Variants in HDHD2 observed in about 807,000 individuals in gnomAD.
HDHD2 encodes the protein haloacid dehalogenase-like hydrolase domain-containing protein 2.
A neutral mutation model predicts 24.8 loss-of-function variants in HDHD2; 26 were observed. The ratio of observed to expected loss-of-function variants is 1.05; its 90% confidence interval spans 0.77 to 1.45. The LOEUF is 1.45. Ranked by LOEUF, HDHD2 falls within the 40% of genes most tolerant of loss-of-function variation. The pLI is 0.00. For synonymous variants in HDHD2, 128 were observed against 114.9 expected (o/e 1.11, Z -0.73); for missense variants, 299 against 313.4 (o/e 0.95, Z 0.35).
Position 47,111,231 on chromosome 18 carries a change from G to T in HDHD2, c.676+1746C>A, listed in dbSNP as rs1363942561. 4.1e-6 allele frequency: 4 copies of T among 985,166 alleles called. No homozygotes were observed. The African/African-American group carries it at 7.0e-5, about 17-fold the overall frequency. The allele number at this position is 985,166 out of a possible 1,614,324, so 61.0% of individuals were successfully genotyped here. ...TCTCAGAGACTAAACTGATGCCTGT[G>T]AAAGGCTGGTCACAATAAAATGCCA... On this transcript the variant is annotated intron_variant, in intron 6 of 6. Coordinates refer to ENST00000300605, the MANE Select transcript of HDHD2 (RefSeq NM_032124.5).
intron 4 of HDHD2, 112 bp downstream of exon 4, chr18:47,130,132 T>G (rs2063698831): frequency 3.2e-6 from 2 of 620,530 alleles, no homozygotes; most frequent in South Asian, 4.7e-5. Context: ...TATCCTAATG[T>G]ACAATTTAGG....
chr18:47,143,356 G>A (rs1041129693), intron 1 of HDHD2, among the ~76,000 whole-genome samples: 6 of 152,038 alleles, frequency 3.9e-5, no homozygotes, highest in Non-Finnish European at 5.9e-5. Context: ...CTGGGATTGC[G>A]TAAGCCCAGG....
intron 4 of HDHD2, among the ~76,000 whole-genome samples, chr18:47,119,100 A>G (rs2063581648): frequency 6.6e-6 from 1 of 152,222 alleles, no homozygotes; most frequent in African/African-American, 2.4e-5. Context: ...CTGAGCCTTC[A>G]GGGAGTCATA....
At chr18:47,135,980 CCTGT>C (rs1478357284) in intron 2 of HDHD2, among the ~76,000 whole-genome samples, 1 of 152,152 alleles carries the variant, frequency 6.6e-6, no homozygotes, top group Admixed American at 6.5e-5. Context: ...CAGCATTATG[CCTGT>C]CTGTGTGTGT....
chr18:47,145,683 G>A (rs764333383), intron 1 of HDHD2, among the ~76,000 whole-genome samples: 3 of 152,140 alleles, frequency 2.0e-5, no homozygotes, highest in Non-Finnish European at 4.4e-5. Context: ...AGATAGGAGA[G>A]TATCTTCATG....
At chr18:47,137,656 AC>A (rs2063778555) in intron 1 of HDHD2, among the ~76,000 whole-genome samples, 1 of 152,220 alleles carries the variant, frequency 6.6e-6, no homozygotes, top group Non-Finnish European at 1.5e-5. Context: ...AACAACAACA[AC>A]AAAAACCCCA....
intron 3 of HDHD2, among the ~76,000 whole-genome samples, chr18:47,133,117 G>A: frequency 6.6e-6 from 1 of 151,848 alleles, no homozygotes; most frequent in East Asian, 1.9e-4. Flanking sequence ...TTTACATTAG[G>A]TATATCTCCT....
intron 4 of HDHD2, among the ~76,000 whole-genome samples, chr18:47,119,836 A>G (rs954492246): frequency 1.3e-5 from 2 of 152,328 alleles, no homozygotes; most frequent in Non-Finnish European, 2.9e-5. Context: ...TTGAAAGTCA[A>G]AACGACTCCC....
rs61730421 is a variant in HDHD2, at chr18:47,134,539, T to G, written c.267A>C (p.Arg89Ser). 6.2e-7 allele frequency: 1 copy of G among 1,614,178 alleles called. No individual in the cohort carries two copies. Residue 89 changes from arginine to serine, a missense_variant, in exon 3 of 7, where the codon AGA becomes AGC. By Grantham distance (110) the Arg-to-Ser change is moderately radical. Coordinates refer to ENST00000300605, the MANE Select transcript of HDHD2 (RefSeq NM_032124.5). ...ARSLLERKQV[R>S]PMLLVDDRAL... ...CCCGATCATCAACTAGCAGCATGGGTCTGACTTGTTTCCGCTCTAGTAAAC... is the reference window on the plus strand; with the variant it reads ...CCCGATCATCAACTAGCAGCATGGGGCTGACTTGTTTCCGCTCTAGTAAAC...
chr18:47,134,065 G>C (rs537498326), intron 3 of HDHD2, among the ~76,000 whole-genome samples: 6 of 152,212 alleles, frequency 3.9e-5, no homozygotes, highest in Non-Finnish European at 8.8e-5. Context: ...CCTATGTCCT[G>C]AATGGTATTG....
At chr18:47,127,475 C>T (rs1161642356) in intron 4 of HDHD2, among the ~76,000 whole-genome samples, 1 of 152,048 alleles carries the variant, frequency 6.6e-6, no homozygotes, top group Non-Finnish European at 1.5e-5. Flanking sequence ...AGCATTTAAA[C>T]TTTTCCACGA....
intron 3 of HDHD2, chr18:47,134,273 A>G: frequency 1.8e-6 from 1 of 569,750 alleles, no homozygotes; most frequent in Non-Finnish European, 3.1e-6. Context: ...AAAGACACAC[A>G]TATAGATATG....
At chr18:47,111,196 G>A (rs778382391) in intron 6 of HDHD2, 11 of 985,030 alleles carry the variant, frequency 1.1e-5, no homozygotes, top group African/African-American at 1.7e-5. Flanking sequence ...ATTGTGTTAC[G>A]CTGATGGCTT....
chr18:47,121,532 G>A (rs1353130992), intron 4 of HDHD2, among the ~76,000 whole-genome samples: 1 of 152,136 alleles, frequency 6.6e-6, no homozygotes, highest in African/African-American at 2.4e-5. Flanking sequence ...TGGTCTTCCT[G>A]CATTTTTCTC....
intron 4 of HDHD2, among the ~76,000 whole-genome samples, chr18:47,126,917 C>T (rs574442427): frequency 1.3e-5 from 2 of 152,332 alleles, no homozygotes; most frequent in South Asian, 4.1e-4. Flanking sequence ...GTAATCCCAG[C>T]ACTTTGGGAG....
intron 4 of HDHD2, among the ~76,000 whole-genome samples, chr18:47,122,234 T>C (rs1599932971): frequency 6.6e-6 from 1 of 152,200 alleles, no homozygotes; most frequent in Admixed American, 6.5e-5. Context: ...TTCATAAATG[T>C]AGGAAGTATA....
chr18:47,147,452 G>T (rs1183427857), intron 1 of HDHD2, among the ~76,000 whole-genome samples: 1 of 152,184 alleles, frequency 6.6e-6, no homozygotes, highest in Non-Finnish European at 1.5e-5. Flanking sequence ...CCATTTGGAT[G>T]TGTAATAGTT....
chr18:47,149,294 T>A (rs547511001), intron 1 of HDHD2, among the ~76,000 whole-genome samples: 36 of 152,286 alleles, frequency 2.4e-4, no homozygotes, highest in Admixed American at 2.0e-4. Context: ...TTAATACAAA[T>A]TTTCCCTTGG....
chr18:47,135,530 G>C (rs371323636), intron 2 of HDHD2, among the ~76,000 whole-genome samples: 1 of 152,042 alleles, frequency 6.6e-6, no homozygotes, highest in South Asian at 2.1e-4. Flanking sequence ...CAAAGTGCTG[G>C]GATTACAGGC....
Sources: gnomAD v4.1 joint callset for allele counts (sites outside exome capture counted in the v4.1 genomes callset) on GRCh38, gnomAD v4.1.1 for gene constraint, MANE v1.5 for transcripts, NCBI Gene and HGNC (gene_info 2026-07-23, HGNC 2026-07-21) for gene names.